Variants in C1orf21 observed in about 807,000 individuals in gnomAD.
C1orf21 encodes the protein uncharacterized protein C1orf21.
A neutral mutation model predicts 18.7 loss-of-function variants in C1orf21; 3 were observed. The observed-to-expected ratio is 0.16, with a 90% confidence interval of 0.07 to 0.42. The LOEUF (loss-of-function observed/expected upper bound fraction) is 0.42. C1orf21 is among the 10% of genes least tolerant of loss of function. The pLI is 0.99. For missense variants in C1orf21, 104 were observed against 143.6 expected, an observed-to-expected ratio of 0.72 and a Z score of 1.41; for synonymous variants, 41 against 46.4, an observed-to-expected ratio of 0.88 and a Z score of 0.47.
chr1:184,509,608 A>G (rs921384586), intron 3 of C1orf21, among the ~76,000 whole-genome samples: 1 of 152,268 alleles, frequency 6.6e-6, no homozygotes, highest in East Asian at 1.9e-4. Context: ...TCAAGTATTG[A>G]CCATACACAT....
rs142237468 is a variant in C1orf21 at position 184,420,170 on chromosome 1, T to C, written c.-125+32802T>C. Among the ~76,000 whole-genome samples the C allele has an allele frequency of 2.5e-3, 382 of 151,982 alleles. 3 individuals are homozygous for C. Among genetic ancestry groups the C allele is most frequent in the African/African-American group, 8.8e-3 (365 of 41,444 alleles). On this transcript the variant is annotated intron_variant, in intron 1 of 5. Coordinates refer to ENST00000235307, the MANE Select transcript of C1orf21 (RefSeq NM_030806.4). ...GGGAAATCTTGAAATATCTGATTAC[T>C]CTCTAAGAGCCAGGATTTAGGTTGT...
intron 5 of C1orf21, among the ~76,000 whole-genome samples, chr1:184,603,709 C>T (rs892855019): frequency 2.6e-5 from 4 of 152,162 alleles, no homozygotes; most frequent in Admixed American, 6.5e-5. Context: ...GCATGAGAAT[C>T]GCTTGGACCT....
At chr1:184,513,021 T>C (rs750563664) in intron 3 of C1orf21, among the ~76,000 whole-genome samples, 26 of 152,236 alleles carry the variant, frequency 1.7e-4, no homozygotes, top group Non-Finnish European at 2.5e-4. Context: ...CTAGGTTGCA[T>C]GCTCCTTATG....
At chr1:184,556,321 C>T (rs1213524413) in intron 3 of C1orf21, among the ~76,000 whole-genome samples, 1 of 152,158 alleles carries the variant, frequency 6.6e-6, no homozygotes, top group Non-Finnish European at 1.5e-5. Context: ...TGCATATTAT[C>T]AAAGCATATC....
chr1:184,572,773 G>A (rs1372082257), intron 3 of C1orf21, among the ~76,000 whole-genome samples: 1 of 152,118 alleles, frequency 6.6e-6, no homozygotes, highest in African/African-American at 2.4e-5. Context: ...CCAACATGGT[G>A]AAACCCCATC....
intron 3 of C1orf21, among the ~76,000 whole-genome samples, chr1:184,578,938 C>T (rs766630292): frequency 6.8e-6 from 1 of 147,680 alleles, no homozygotes; most frequent in African/African-American, 2.5e-5. Flanking sequence ...TGATATCCGT[C>T]ATTTAGTCCA....
chr1:184,518,982 A>C (rs1357104674), intron 3 of C1orf21, among the ~76,000 whole-genome samples: 1 of 152,082 alleles, frequency 6.6e-6, no homozygotes, highest in African/African-American at 2.4e-5. Flanking sequence ...GTGGTTTGGG[A>C]GGCTGATGGA....
intron 1 of C1orf21, among the ~76,000 whole-genome samples, chr1:184,467,418 TC>T (rs1657415427): frequency 6.6e-6 from 1 of 152,204 alleles, no homozygotes; most frequent in East Asian, 1.9e-4. Context: ...CCTTGACTTG[TC>T]TTTACATAGT....
rs577687222 is a variant in C1orf21, at chr1:184,392,722, G to A, written c.-125+5354G>A. ...CTCTTGGGCTGGCTTTGGCCTCTTAGTCCACCTTTGACAAGTATCCCTTTC... is the reference window on the plus strand; with the variant it reads ...CTCTTGGGCTGGCTTTGGCCTCTTAATCCACCTTTGACAAGTATCCCTTTC... On this transcript the variant is annotated intron_variant, in intron 1 of 5. Transcript: ENST00000235307. Among the ~76,000 whole-genome samples, 8 of 151,518 alleles carry A rather than the reference G, an allele frequency of 5.3e-5. No homozygotes were observed. The South Asian group carries it at 1.0e-3, about 20-fold the overall frequency.
chr1:184,493,664 GGCACCAAGTATTTTT>G (rs1177353545), intron 2 of C1orf21, among the ~76,000 whole-genome samples: 1 of 152,120 alleles, frequency 6.6e-6, no homozygotes, highest in Non-Finnish European at 1.5e-5. Context: ...TTTTTAATGT[GGCACCAAGTATTTTT>G]GCATTTATTG....
intron 2 of C1orf21, among the ~76,000 whole-genome samples, chr1:184,493,736 A>G (rs960568037): frequency 2.0e-5 from 3 of 152,190 alleles, no homozygotes; most frequent in African/African-American, 7.2e-5. Context: ...TTTAGTCTTC[A>G]TTGCCTTCTG....
intron 5 of C1orf21, chr1:184,599,643 A>G (rs1308949506): frequency 6.6e-6 from 1 of 152,208 alleles, no homozygotes; most frequent in Non-Finnish European, 1.5e-5. Flanking sequence ...GTGGCTTATG[A>G]ATGACTTTTT....
chr1:184,392,415 A>G (rs1458612588), intron 1 of C1orf21, among the ~76,000 whole-genome samples: 1 of 152,182 alleles, frequency 6.6e-6, no homozygotes, highest in Admixed American at 6.5e-5. Context: ...TTAGAGTGGA[A>G]TAATAGACAC....
chr1:184,529,089 T>C (rs1658419660), intron 3 of C1orf21, among the ~76,000 whole-genome samples: 1 of 152,194 alleles, frequency 6.6e-6, no homozygotes, highest in Non-Finnish European at 1.5e-5. Context: ...TTATTTTTTT[T>C]AATTCTTGCC....
rs562362631 is a variant in C1orf21 at position 184,581,128 on chromosome 1, G to A, written c.190-9611G>A. Among the ~76,000 whole-genome samples the A allele has an allele frequency of 2.6e-5, 4 of 152,148 alleles. No individual in the cohort carries two copies. In the East Asian group the frequency reaches 7.8e-4, roughly 30 times the overall value. ...TGCTGGTCGTGTAGTGTGTGCAGGA[G>A]ATAAACTATTAATATTGGCTGGGCG... On this transcript the variant is annotated intron_variant, in intron 3 of 5. Coordinates refer to ENST00000235307, the MANE Select transcript of C1orf21 (RefSeq NM_030806.4).
At position 184,388,629 on chromosome 1, in the gene C1orf21, C is replaced by CTT. The variant is rs200576878; in HGVS notation, c.-125+1272_-125+1273dup. Among the ~76,000 whole-genome samples the CTT allele has an allele frequency of 5.4e-3, 779 of 143,660 alleles. 9 individuals are homozygous for CTT. The highest frequency in any genetic ancestry group is 0.019 in the African/African-American group (732 of 39,534). The allele number at this position is 143,660 out of a possible 152,430, so 94.2% of individuals were successfully genotyped here. A position where few individuals can be genotyped will look rare whatever the true frequency, so the allele number is the denominator to read the frequency against. The stretch of plus-strand genomic sequence containing the variant: ...CATGGAGTATTTTTTTCTTTCTTTT[C>CTT]TTTTTTTTTTTTGTAGGAGACTGTC... On this transcript the variant is annotated intron_variant, in intron 1 of 5. Transcript: ENST00000235307.
intron 2 of C1orf21, among the ~76,000 whole-genome samples, chr1:184,507,324 T>G (rs1211412529): frequency 6.6e-6 from 1 of 152,178 alleles, no homozygotes; most frequent in Non-Finnish European, 1.5e-5. Flanking sequence ...TCTGCAGCAT[T>G]TGCTCTCTGT....
chr1:184,602,968 T>C lies in C1orf21; in HGVS notation c.327+4507T>C, dbSNP rs540241697. ...CTGATTACTGTTTCTGATGAAAGGC[T>C]TCTTAAACTTTGTTGGGCCTTGTAC... On this transcript the variant is annotated intron_variant, in intron 5 of 5. Coordinates refer to ENST00000235307, the MANE Select transcript of C1orf21 (RefSeq NM_030806.4). Among the ~76,000 whole-genome samples the C allele has an allele frequency of 7.2e-4, 110 of 152,348 alleles. 1 individual carries two copies. Among genetic ancestry groups the C allele is most frequent in the Middle Eastern group, 3.4e-3 (1 of 294 alleles).
At chr1:184,589,017 C>T (rs898072685) in intron 3 of C1orf21, among the ~76,000 whole-genome samples, 7 of 152,064 alleles carry the variant, frequency 4.6e-5, no homozygotes, top group African/African-American at 1.7e-4. Context: ...GAAAGACTTG[C>T]TGAGGCAACA....
Sources: allele counts gnomAD v4.1 joint callset (sites outside exome capture counted in the v4.1 genomes callset), GRCh38; gene constraint gnomAD v4.1.1; transcripts MANE v1.5; gene names NCBI Gene and HGNC (gene_info 2026-07-23, HGNC 2026-07-21).